CFAP54: variants seen among roughly 807,000 people sequenced by gnomAD.
The protein encoded by CFAP54 is cilia and flagella associated protein 54.
Under a neutral mutation model 370.4 loss-of-function variants are expected in CFAP54, and 290 were observed. That is an observed-to-expected ratio of 0.78 (90% confidence interval 0.71 to 0.86). The LOEUF is 0.86. CFAP54 is among the 40% of genes least tolerant of loss of function. CFAP54 has a pLI of 0.00. For missense variants in CFAP54, 3,399 were observed against 3,528.7 expected (o/e 0.96, Z 0.93); for synonymous variants, 1,206 against 1,236.5 (o/e 0.98, Z 0.52).
chr12:96,618,165 C>T (rs757147167), intron 26 of CFAP54, among the ~76,000 whole-genome samples: 6 of 152,072 alleles, frequency 3.9e-5, no homozygotes, highest in Non-Finnish European at 8.8e-5. Context: ...ACAGGGGCTA[C>T]TGCAATGTCT....
intron 6 of CFAP54, among the ~76,000 whole-genome samples, chr12:96,521,552 G>GCA (rs1491373360): frequency 5.0e-5 from 7 of 141,330 alleles, no homozygotes; most frequent in African/African-American, 2.0e-4. Context: ...GTGTGTGCGC[G>GCA]TGCGCACATG....
chr12:96,610,318 C>T (rs1173989135), intron 26 of CFAP54, among the ~76,000 whole-genome samples: 3 of 152,026 alleles, frequency 2.0e-5, no homozygotes, highest in Admixed American at 2.0e-4. Flanking sequence ...AAAATGAAGT[C>T]TAGGTGGATT....
chr12:96,788,379 A>T (rs963652316), intron 62 of CFAP54, among the ~76,000 whole-genome samples: 3 of 152,240 alleles, frequency 2.0e-5, no homozygotes, highest in African/African-American at 7.2e-5. Context: ...GTAAGCTTCC[A>T]ATACATATCT....
intron 30 of CFAP54, 24 bp from the exon 31 acceptor site, chr12:96,630,069 G>A: frequency 7.8e-7 from 1 of 1,275,722 alleles, no homozygotes; most frequent in Non-Finnish European, 1.1e-6. Context: ...AGGTCTTTTT[G>A]ACTGACTTTA....
chr12:96,651,722 T>G lies in CFAP54; in HGVS notation c.5007T>G (p.Asp1669Glu). Residue 1669 changes from aspartate (D) to glutamate (E), a missense_variant, in exon 36 of 68, where the codon GAT becomes GAG. Physicochemically the swap from Asp to Glu is conservative, Grantham distance 45 (BLOSUM62 2). Transcript: ENST00000524981. The part of the protein sequence containing the change: ...DLDKTFPISQ[D>E]GFLCTSVLPF... ...ATAAAACATTTCCTATTAGCCAAGATGGTTTCCTCTGCACCTCTGTTTTAC... is the reference window on the plus strand; with the variant it reads ...ATAAAACATTTCCTATTAGCCAAGAGGGTTTCCTCTGCACCTCTGTTTTAC... 1 of 1,613,974 alleles carries G rather than the reference T, an allele frequency of 6.2e-7. No individual in the cohort carries two copies. The highest frequency in any genetic ancestry group is 1.1e-5 in the South Asian group (1 of 91,082).
rs923918803 is a variant in CFAP54 at position 96,594,343 on chromosome 12, A to G, written c.3413A>G (p.Asn1138Ser). 3 of 1,534,720 alleles carry G rather than the reference A, an allele frequency of 2.0e-6. No homozygotes were observed. Among genetic ancestry groups the G allele is most frequent in the Non-Finnish European group, 2.6e-6 (3 of 1,145,958 alleles). The change falls in exon 25 of 68, where the codon AAC (asparagine) becomes AGC (serine). Residue 1138 changes from asparagine (N) to serine (S), a missense_variant. Asn to Ser is a conservative substitution (Grantham distance 46). This residue lies in a region of CFAP54 where 2,796 missense variants were observed against 2,869.7 expected (regional missense o/e 0.97). Transcript: ENST00000524981. ...ERVLVALELS[N>S]FLNDSSYALQ... ...GTATTAGTGGCATTGGAACTTAGCA[A>G]CTTCCTAAATGATTCCAGCTATGCC...
chr12:96,548,298 C>A, intron 15 of CFAP54, among the ~76,000 whole-genome samples: 2 of 151,992 alleles, frequency 1.3e-5, no homozygotes, highest in Non-Finnish European at 1.5e-5. Context: ...GGAGTAACTC[C>A]TATCCTAAAT....
At chr12:96,769,905 T>A (rs1958441774) in intron 60 of CFAP54, among the ~76,000 whole-genome samples, 1 of 152,190 alleles carries the variant, frequency 6.6e-6, no homozygotes, top group Non-Finnish European at 1.5e-5. Context: ...GGCTTTAATG[T>A]ATGTTTTGCC....
At chr12:96,600,367 C>T (rs1362317497) in intron 26 of CFAP54, among the ~76,000 whole-genome samples, 1 of 152,064 alleles carries the variant, frequency 6.6e-6, no homozygotes, top group Non-Finnish European at 1.5e-5. Context: ...GTACCAGTAC[C>T]ATGCTGTTTT....
intron 20 of CFAP54, among the ~76,000 whole-genome samples, chr12:96,579,470 G>A (rs1447929007): frequency 6.6e-6 from 1 of 152,154 alleles, no homozygotes; most frequent in African/African-American, 2.4e-5. Flanking sequence ...AACCACTTGT[G>A]TCAATTGGAC....
chr12:96,552,630 C>A (rs1955707877), intron 15 of CFAP54, among the ~76,000 whole-genome samples: 1 of 152,178 alleles, frequency 6.6e-6, no homozygotes, highest in Non-Finnish European at 1.5e-5. Flanking sequence ...AGGCGTGAGC[C>A]ACCACGCCTG....
At position 96,813,753 on chromosome 12, in the gene CFAP54, G is replaced by A. The variant is rs1414602003; in HGVS notation, c.8957+1911G>A. Among the ~76,000 whole-genome samples the A allele has an allele frequency of 3.9e-5, 6 of 152,160 alleles. No individual in the cohort carries two copies. In the East Asian group the frequency reaches 1.2e-3, roughly 29 times the overall value. ...GCCCTCCAGGCCACAGCAGACCCTG[G>A]GAGAGAGTGCCTAGGAGTCAGTAAA... On this transcript the variant is annotated intron_variant, in intron 64 of 67. Coordinates refer to ENST00000524981, the MANE Select transcript of CFAP54 (RefSeq NM_001306084.2).
chr12:96,512,924 T>G, intron 4 of CFAP54, 62 bp from the exon 5 acceptor site: 1 of 1,113,496 alleles, frequency 9.0e-7, no homozygotes, highest in East Asian at 2.8e-5. Flanking sequence ...CCACAGAAAT[T>G]GGAATATAAA....
intron 63 of CFAP54, among the ~76,000 whole-genome samples, chr12:96,793,272 G>A (rs1435788764): frequency 6.6e-6 from 1 of 152,044 alleles, no homozygotes; most frequent in African/African-American, 2.4e-5. Flanking sequence ...TGTCTCATGA[G>A]TGAGAACATA....
chr12:96,504,455 C>T (rs1408196578), intron 3 of CFAP54, among the ~76,000 whole-genome samples: 1 of 152,118 alleles, frequency 6.6e-6, no homozygotes, highest in Admixed American at 6.5e-5. Context: ...TACTTTATTT[C>T]TAGTATACCA....
chr12:96,801,974 G>T (rs762911784), intron 63 of CFAP54, among the ~76,000 whole-genome samples: 3 of 152,102 alleles, frequency 2.0e-5, no homozygotes, highest in Non-Finnish European at 2.9e-5. Flanking sequence ...AAACTGAGAA[G>T]TGAGCGGACC....
intron 60 of CFAP54, among the ~76,000 whole-genome samples, chr12:96,773,097 C>T (rs1958480340): frequency 6.6e-6 from 1 of 152,176 alleles, no homozygotes; most frequent in African/African-American, 2.4e-5. Flanking sequence ...GAATCCACTC[C>T]AGTTCATTCA....
At chr12:96,652,377 A>G (rs1211533374) in intron 36 of CFAP54, among the ~76,000 whole-genome samples, 1 of 152,250 alleles carries the variant, frequency 6.6e-6, no homozygotes, top group African/African-American at 2.4e-5. Context: ...ATATTTGGCA[A>G]TGGCAGAAAA....
At chr12:96,738,380 G>A (rs1958005496) in intron 50 of CFAP54, among the ~76,000 whole-genome samples, 1 of 152,106 alleles carries the variant, frequency 6.6e-6, no homozygotes, top group Non-Finnish European at 1.5e-5. Flanking sequence ...GAATTTTATT[G>A]TCTCACAGTC....
Sources: gnomAD v4.1 joint callset for allele counts (sites outside exome capture counted in the v4.1 genomes callset) on GRCh38, gnomAD v4.1.1 for gene constraint, gnomAD v4.1.1 regional missense constraint, MANE v1.5 for transcripts, NCBI Gene and HGNC (gene_info 2026-07-23, HGNC 2026-07-21) for gene names.